SPDYE10: variants seen among roughly 807,000 people sequenced by gnomAD.
The protein encoded by SPDYE10 is speedy protein E10.
chr7:73,123,848 G>A, the SPDYE10 span, among the ~76,000 whole-genome samples: 14 of 142,332 alleles, frequency 9.8e-5, no homozygotes, highest in Non-Finnish European at 1.3e-4. Flanking sequence ...GCAATGGTGC[G>A]ATCTGGGCTT....
At chr7:73,143,461 A>T in the SPDYE10 span, among the ~76,000 whole-genome samples, 2 of 150,598 alleles carry the variant, frequency 1.3e-5, no homozygotes, top group Non-Finnish European at 3.0e-5. Flanking sequence ...ATGAGTGAAT[A>T]GAGCAAGAAT....
the SPDYE10 span, among the ~76,000 whole-genome samples, chr7:73,113,769 C>T: frequency 6.6e-5 from 10 of 152,020 alleles, no homozygotes; most frequent in Non-Finnish European, 1.3e-4. Context: ...GGTGCCATGG[C>T]TCATGCCTGT....
At chr7:73,113,656 G>C in the SPDYE10 span, among the ~76,000 whole-genome samples, 2 of 152,006 alleles carry the variant, frequency 1.3e-5, no homozygotes, top group South Asian at 2.1e-4. Context: ...CGCTTTGGGA[G>C]GCCATAGCAG....
the SPDYE10 span, among the ~76,000 whole-genome samples, chr7:73,126,903 TTGG>T: frequency 7.2e-6 from 1 of 138,760 alleles, no homozygotes; most frequent in African/African-American, 2.6e-5. Flanking sequence ...TTTATTGTTG[TTGG>T]TGGTTTTTTT....
At chr7:73,126,689 T>C in the SPDYE10 span, among the ~76,000 whole-genome samples, 2 of 145,772 alleles carry the variant, frequency 1.4e-5, no homozygotes, top group African/African-American at 5.3e-5. Context: ...TTTTTTTTTC[T>C]TTTTTTGAGA....
At chr7:73,134,531 GAAAGA>G in the SPDYE10 span, among the ~76,000 whole-genome samples, 1 of 97,388 alleles carries the variant, frequency 1.0e-5, no homozygotes, top group African/African-American at 7.7e-5. Context: ...AAAAAAGAAA[GAAAGA>G]AAAAGAAAGA....
the SPDYE10 span, among the ~76,000 whole-genome samples, chr7:73,114,220 T>C: frequency 2.9e-5 from 4 of 138,102 alleles, no homozygotes; most frequent in South Asian, 2.5e-4. Flanking sequence ...AAAAAGAATA[T>C]GCCGCAGTGC....
the SPDYE10 span, among the ~76,000 whole-genome samples, chr7:73,116,960 A>G: frequency 2.0e-5 from 3 of 151,766 alleles, no homozygotes; most frequent in Admixed American, 6.5e-5. Flanking sequence ...CAGTGGTGCA[A>G]TCTCGTCTCA....
chr7:73,147,827 T>G, the SPDYE10 span, among the ~76,000 whole-genome samples: 1 of 143,610 alleles, frequency 7.0e-6, no homozygotes, highest in African/African-American at 2.9e-5. Flanking sequence ...TTGTTTGTTT[T>G]TTGAGACAGA....
chr7:73,111,896 G>T, the SPDYE10 span, among the ~76,000 whole-genome samples: 2 of 136,016 alleles, frequency 1.5e-5, no homozygotes, highest in South Asian at 2.3e-4. Flanking sequence ...CTCCCAAGTA[G>T]CTGGGATTAT....
the SPDYE10 span, among the ~76,000 whole-genome samples, chr7:73,134,762 T>C: frequency 2.6e-5 from 4 of 152,240 alleles, no homozygotes; most frequent in Non-Finnish European, 4.4e-5. Flanking sequence ...GTTGAGAGGC[T>C]GAGGCAGGAG....
At chr7:73,135,510 A>C in the SPDYE10 span, among the ~76,000 whole-genome samples, 1 of 140,076 alleles carries the variant, frequency 7.1e-6, no homozygotes, top group African/African-American at 2.7e-5. Context: ...TCCTAAAGGC[A>C]TTCTCTTTTC....
chr7:73,147,730 G>T, the SPDYE10 span, among the ~76,000 whole-genome samples: 1 of 151,464 alleles, frequency 6.6e-6, no homozygotes, highest in African/African-American at 2.4e-5. Flanking sequence ...TCTGACATCA[G>T]GCGATCCACC....
chr7:73,114,564 T>G, the SPDYE10 span, among the ~76,000 whole-genome samples: 3 of 133,828 alleles, frequency 2.2e-5, no homozygotes, highest in Admixed American at 8.8e-5. Flanking sequence ...GGAAACAGAG[T>G]CTCACTCTGT....
the SPDYE10 span, among the ~76,000 whole-genome samples, chr7:73,137,593 T>TA: frequency 1.4e-5 from 1 of 70,544 alleles, no homozygotes; most frequent in African/African-American, 6.6e-5. Flanking sequence ...AAAGAAGAGA[T>TA]GAAAGAAAGA....
At chr7:73,149,395 C>T in the SPDYE10 span, among the ~76,000 whole-genome samples, 1 of 144,742 alleles carries the variant, frequency 6.9e-6, no homozygotes, top group African/African-American at 2.6e-5. Context: ...TCATGCCATT[C>T]TCCTGCCTCA....
the SPDYE10 span, among the ~76,000 whole-genome samples, chr7:73,114,534 A>ATTTTTTT: frequency 5.2e-5 from 7 of 134,544 alleles, no homozygotes; most frequent in African/African-American, 8.0e-5. Flanking sequence ...TTTAAGCCCT[A>ATTTTTTT]TTTTTTTTTT....
the SPDYE10 span, among the ~76,000 whole-genome samples, chr7:73,141,071 C>T: frequency 1.7e-3 from 3 of 1,756 alleles, no homozygotes; most frequent in Non-Finnish European, 3.6e-3. Flanking sequence ...CCATTTCTAC[C>T]ACACACACAC....
chr7:73,154,537 C>T, the SPDYE10 span, among the ~76,000 whole-genome samples: 1 of 145,536 alleles, frequency 6.9e-6, no homozygotes, highest in Non-Finnish European at 1.5e-5. Context: ...TTTGGCTTCT[C>T]CGCACTCTCA....
Sources: allele counts gnomAD v4.1 joint callset (sites outside exome capture counted in the v4.1 genomes callset), GRCh38; gene constraint gnomAD v4.1.1; transcripts MANE v1.5; gene names NCBI Gene and HGNC (gene_info 2026-07-23, HGNC 2026-07-21).